The following TXNDC15 variants were observed in gnomAD, a reference collection of about 807,000 sequenced individuals.
TXNDC15 encodes thioredoxin domain containing 15.
TXNDC15 carries 24 observed loss-of-function variants against 35.0 expected under a neutral mutation model. That is an observed-to-expected ratio of 0.68 (90% CI 0.50 to 0.96). TXNDC15 has a LOEUF of 0.96. Among genes scored for constraint, TXNDC15 ranks in the 40% least tolerant of loss-of-function variants. TXNDC15 has a pLI of 0.00. For missense variants in TXNDC15, 385 were observed against 453.3 expected (o/e 0.85, Z 1.37); for synonymous variants, 169 against 174.0 (o/e 0.97, Z 0.23).
intron 3 of TXNDC15, among the ~76,000 whole-genome samples, chr5:134,894,181 A>C (rs1017782440): frequency 6.6e-6 from 1 of 151,896 alleles, no homozygotes; most frequent in African/African-American, 2.4e-5. Context: ...GCACTCGATC[A>C]AGTCATGAAT....
chr5:134,886,896 A>C (rs1451668310), intron 1 of TXNDC15, among the ~76,000 whole-genome samples: 1 of 152,088 alleles, frequency 6.6e-6, no homozygotes, highest in Admixed American at 6.6e-5. Context: ...TTGCCTCGTT[A>C]CCTGTTCAGT....
rs1243677661 is a variant in TXNDC15 at position 134,899,715 on chromosome 5, A to G, written c.*30A>G. 1.3e-6 allele frequency: 2 copies of G among 1,516,300 alleles called. No homozygotes were observed. Among genetic ancestry groups the G allele is most frequent in the African/African-American group, 2.8e-5 (2 of 70,806 alleles). 93.9% of individuals were successfully genotyped at this position (1,516,300 alleles called of 1,614,324 possible). On this transcript the variant is annotated 3_prime_UTR_variant, in exon 5 of 5. Coordinates refer to ENST00000358387, the MANE Select transcript of TXNDC15 (RefSeq NM_024715.4). ...GGTCTGAAAGAAGTTGGAAAGAGGA[A>G]CTTCAATCCTTCGTTTCAGAAATTA...
chr5:134,894,337 C>T (rs992753365), intron 3 of TXNDC15, among the ~76,000 whole-genome samples: 7 of 150,778 alleles, frequency 4.6e-5, no homozygotes, highest in Admixed American at 3.3e-4. Flanking sequence ...TACAGGCATG[C>T]GCCACCATGC....
chr5:134,884,219 C>CA (rs372857992), intron 1 of TXNDC15, among the ~76,000 whole-genome samples: 36,701 of 89,282 alleles, frequency 0.41, 6,003 homozygotes, highest in African/African-American at 0.5. Context: ...GACTCAGTTT[C>CA]AAAAAAAAAA....
intron 3 of TXNDC15, chr5:134,896,038 G>A: frequency 3.2e-6 from 1 of 316,128 alleles, no homozygotes; most frequent in Non-Finnish European, 5.8e-6. Flanking sequence ...CTTAACTAGT[G>A]GAATAATTGT....
At position 134,887,874 on chromosome 5, in the gene TXNDC15, T is replaced by C. The variant is rs762428019; in HGVS notation, c.283T>C (p.Ser95Pro). The C allele has an allele frequency of 6.2e-7, 1 of 1,614,202 alleles. No homozygotes were observed. Among genetic ancestry groups the C allele is most frequent in the Non-Finnish European group, 8.5e-7 (1 of 1,180,030 alleles). Residue 95 changes from serine (S) to proline (P), a missense_variant, in exon 2 of 5, where the codon TCT (serine) becomes CCT (proline). By Grantham distance (74) the Ser-to-Pro change is moderately conservative. Transcript: ENST00000358387. ...DTQGDHMVML[S>P]VIPGEAEDKV... ...CCAAGGCGATCACATGGTGATGCTG[T>C]CTGTGATTCCTGGGGAAGCTGAGGA...
chr5:134,874,655 G>A, intron 1 of TXNDC15, 125 bp downstream of exon 1: 1 of 747,964 alleles, frequency 1.3e-6, no homozygotes, highest in Non-Finnish European at 2.0e-6. Flanking sequence ...CTCCCCGGGC[G>A]CGTCTCCCCG....
chr5:134,892,067 A>G (rs1025438842), intron 2 of TXNDC15: 1 of 152,166 alleles, frequency 6.6e-6, no homozygotes, highest in Non-Finnish European at 1.5e-5. Context: ...CCTTATTCCA[A>G]TAGAAGGCTG....
At chr5:134,876,540 C>G (rs1231402642) in intron 1 of TXNDC15, among the ~76,000 whole-genome samples, 1 of 152,086 alleles carries the variant, frequency 6.6e-6, no homozygotes, top group African/African-American at 2.4e-5. Context: ...TGCACCCAGC[C>G]TACACATTAG....
At chr5:134,879,936 C>A (rs1474410063) in intron 1 of TXNDC15, among the ~76,000 whole-genome samples, 1 of 152,060 alleles carries the variant, frequency 6.6e-6, no homozygotes, top group Non-Finnish European at 1.5e-5. Flanking sequence ...GCTGGGATTA[C>A]CGGTGCATGC....
rs75723339 is a variant in TXNDC15 at position 134,881,099 on chromosome 5, C to T, written c.103+6569C>T. ...CATTAGACCACTTGAAATTGTCCTA[C>T]GGCCCACTGATGCTCTTAATTTCTT... On this transcript the variant is annotated intron_variant, in intron 1 of 4. Transcript: ENST00000358387. Among the ~76,000 whole-genome samples, 558 of 151,456 alleles carry T rather than the reference C, an allele frequency of 3.7e-3. 6 individuals are homozygous for T. Among genetic ancestry groups the T allele is most frequent in the African/African-American group, 0.012 (500 of 41,428 alleles).
intron 1 of TXNDC15, among the ~76,000 whole-genome samples, chr5:134,877,161 C>T: frequency 6.6e-6 from 1 of 152,084 alleles, no homozygotes; most frequent in South Asian, 2.1e-4. Context: ...AGGGTGAGAT[C>T]TGAATGAGGA....
In TXNDC15 at chr5:134,896,325, C is replaced by A. The variant is rs569426572; in HGVS notation, c.787C>A (p.Pro263Thr). The change falls in exon 4 of 5, where the codon CCT becomes ACT. Residue 263 changes from proline (P) to threonine (T), a missense_variant. Transcript: ENST00000358387. Reference sequence around the variant, plus strand: ...TACCAGGTTTGGCACCGTAGCTGTTCCTAATATTTTATTATTTCAAGGAGC... The same window carrying A: ...TACCAGGTTTGGCACCGTAGCTGTTACTAATATTTTATTATTTCAAGGAGC... The part of the protein sequence containing the change: ...LSTRFGTVAV[P>T]NILLFQGAKP... The A allele has an allele frequency of 6.2e-7, 1 of 1,613,790 alleles. No individual in the cohort carries two copies. Among genetic ancestry groups the A allele is most frequent in the African/African-American group, 1.3e-5 (1 of 74,992 alleles).
At chr5:134,879,046 C>G (rs887903184) in intron 1 of TXNDC15, among the ~76,000 whole-genome samples, 1 of 152,184 alleles carries the variant, frequency 6.6e-6, no homozygotes, top group Non-Finnish European at 1.5e-5. Flanking sequence ...GGTTCAATGA[C>G]TGTCACATAG....
chr5:134,899,946 T>A lies in TXNDC15; in HGVS notation c.*261T>A. On this transcript the variant is annotated 3_prime_UTR_variant, in exon 5 of 5. Transcript: ENST00000358387. The stretch of plus-strand genomic sequence containing the variant: ...TGAACGTAATCCAGTATTTGGAAAG[T>A]AATCCAGTTTGAAATGTGAAGATGT... 1.2e-5 allele frequency: 4 copies of A among 344,510 alleles called. No individual in the cohort carries two copies. The highest frequency in any genetic ancestry group is 1.6e-3 in the Middle Eastern group (2 of 1,228). The allele number at this position is 344,510 out of a possible 1,614,324, so 21.3% of individuals were successfully genotyped here.
chr5:134,893,377 T>G (rs1580867178), intron 2 of TXNDC15, 115 bp from the exon 3 acceptor site: 1 of 1,286,328 alleles, frequency 7.8e-7, no homozygotes, highest in East Asian at 2.3e-5. Flanking sequence ...CTTCTCTCGC[T>G]GCTCCTACCC....
intron 1 of TXNDC15, among the ~76,000 whole-genome samples, chr5:134,876,507 C>T (rs1750037246): frequency 3.3e-5 from 5 of 152,102 alleles, no homozygotes; most frequent in Admixed American, 3.3e-4. Context: ...CTTGGAATTC[C>T]TTACCATTGC....
At chr5:134,896,534 T>C in intron 4 of TXNDC15, 110 bp downstream of exon 4, 1 of 1,401,262 alleles carries the variant, frequency 7.1e-7, no homozygotes. Flanking sequence ...AAGACTGACT[T>C]TGAGTTGTAA....
In TXNDC15 at chr5:134,885,917, T is replaced by C. The variant is rs571904392; in HGVS notation, c.104-1778T>C. On this transcript the variant is annotated intron_variant, in intron 1 of 4. Coordinates refer to ENST00000358387, the MANE Select transcript of TXNDC15 (RefSeq NM_024715.4). ...TACTCCATCTTGGCCAGAAGCAGAA[T>C]TCCCAGATAATGTTTTTGAATCTCT... Among the ~76,000 whole-genome samples, 23 of 152,368 alleles carry C rather than the reference T, an allele frequency of 1.5e-4. 1 individual carries two copies. In the South Asian group the frequency reaches 4.8e-3, roughly 32 times the overall value.
Sources: gnomAD v4.1 joint callset for allele counts (sites outside exome capture counted in the v4.1 genomes callset) on GRCh38, gnomAD v4.1.1 for gene constraint, MANE v1.5 for transcripts, NCBI Gene and HGNC (gene_info 2026-07-23, HGNC 2026-07-21) for gene names.